TRIM67: variants seen among roughly 807,000 people sequenced by gnomAD.
The protein encoded by TRIM67 is tripartite motif-containing protein 67.
In TRIM67, 39 loss-of-function variants were observed where a neutral mutation model predicts 71.0. That is an observed-to-expected ratio of 0.55 (90% CI 0.43 to 0.72). TRIM67 has a LOEUF of 0.72. Among genes scored for constraint, TRIM67 ranks in the 30% least tolerant of loss-of-function variants. The pLI is 0.00. For synonymous variants in TRIM67, 481 were observed against 473.9 expected, an observed-to-expected ratio of 1.01 and a Z score of -0.19; for missense variants, 973 against 1,079.2, an observed-to-expected ratio of 0.90 and a Z score of 1.38.
chr1:231,193,904 CT>C (rs753992195), intron 1 of TRIM67, among the ~76,000 whole-genome samples: 26 of 152,316 alleles, frequency 1.7e-4, no homozygotes, highest in South Asian at 1.5e-3. Flanking sequence ...GGATCCACCC[CT>C]GTGACCAAAT....
chr1:231,181,068 C>T (rs531441547), intron 1 of TRIM67, among the ~76,000 whole-genome samples: 18 of 152,260 alleles, frequency 1.2e-4, no homozygotes, highest in South Asian at 4.1e-4. Flanking sequence ...CAGGTTCGTG[C>T]GATTCTCCTG....
Position 231,215,439 on chromosome 1 carries a change from A to G in TRIM67, c.2351A>G (p.Ter784TrpextTer10). ...NLGRPKLSGN[*>W] ...GGGCGGCCAAAGCTGTCAGGCAATT[A>G]GCCCCGCTCCAGCTCGGCACTGTGC... The change falls in exon 10 of 10, where the codon TAG becomes TGG. Residue 784 changes from the stop codon to tryptophan, a stop_lost. Transcript: ENST00000366653. The G allele has an allele frequency of 6.2e-7, 1 of 1,608,756 alleles. No individual in the cohort carries two copies. Among genetic ancestry groups the G allele is most frequent in the South Asian group, 1.1e-5 (1 of 90,162 alleles).
chr1:231,168,552 T>C (rs753728778), intron 1 of TRIM67, among the ~76,000 whole-genome samples: 1 of 152,250 alleles, frequency 6.6e-6, no homozygotes, highest in Non-Finnish European at 1.5e-5. Flanking sequence ...AACAAAATTA[T>C]GTAAACAATT....
At chr1:231,208,139 G>A (rs1025587639) in intron 7 of TRIM67, among the ~76,000 whole-genome samples, 1 of 151,164 alleles carries the variant, frequency 6.6e-6, no homozygotes, top group Non-Finnish European at 1.5e-5. Context: ...CTCCCAAGCA[G>A]CTGGGACTAT....
At position 231,216,287 on chromosome 1, in the gene TRIM67, C is replaced by G. The variant is rs1684011881; in HGVS notation, c.*847C>G. 1.0e-6 allele frequency: 1 copy of G among 984,898 alleles called. No homozygotes were observed. The highest frequency in any genetic ancestry group is 1.7e-5 in the African/African-American group (1 of 57,200). The allele number at this position is 984,898 out of a possible 1,614,324, so 61.0% of individuals were successfully genotyped here. ...GCTCTCTTTCCCTCCCTCCTTCTCT[C>G]TCTCTCTCACACACACACAGGCATG... On this transcript the variant is annotated 3_prime_UTR_variant, in exon 10 of 10. Transcript: ENST00000366653.
At chr1:231,187,596 G>A in intron 1 of TRIM67, 2 of 1,518,194 alleles carry the variant, frequency 1.3e-6, no homozygotes, top group African/African-American at 1.4e-5. Flanking sequence ...CCCAATGATG[G>A]TGTGAAACTC....
intron 1 of TRIM67, among the ~76,000 whole-genome samples, chr1:231,168,996 C>G (rs76749884): frequency 0.078 from 11,929 of 152,260 alleles, 634 homozygotes; most frequent in East Asian, 0.26. Context: ...CGCCGGGGCT[C>G]TCAGAGCATG....
chr1:231,169,181 G>A (rs182123378), intron 1 of TRIM67, among the ~76,000 whole-genome samples: 1 of 151,932 alleles, frequency 6.6e-6, no homozygotes, highest in Non-Finnish European at 1.5e-5. Flanking sequence ...AGCCTCCCGA[G>A]TAGCTGGGAT....
intron 6 of TRIM67, among the ~76,000 whole-genome samples, chr1:231,204,527 G>A (rs1034619311): frequency 3.9e-5 from 6 of 152,250 alleles, no homozygotes; most frequent in African/African-American, 1.4e-4. Flanking sequence ...GGGCAATAAA[G>A]GTTCTTAGTG....
At chr1:231,211,842 G>A (rs1683880625) in intron 8 of TRIM67, among the ~76,000 whole-genome samples, 1 of 152,224 alleles carries the variant, frequency 6.6e-6, no homozygotes, top group Admixed American at 6.5e-5. Flanking sequence ...AGGAGGCTGA[G>A]GCAGGAGGAT....
chr1:231,162,595 G>A lies in TRIM67; in HGVS notation c.-375G>A. ...GCGAGCGCACAGCAGCCCGGCCGCT[G>A]GTCCTGGGGTGGAGAGGAGGCGCGC... On this transcript the variant is annotated 5_prime_UTR_variant, in exon 1 of 10. Coordinates refer to ENST00000366653, the MANE Select transcript of TRIM67 (RefSeq NM_001004342.5). The A allele has an allele frequency of 4.4e-6, 1 of 227,328 alleles. No individual in the cohort carries two copies. The highest frequency in any genetic ancestry group is 8.1e-5 in the South Asian group (1 of 12,338). The allele number at this position is 227,328 out of a possible 1,614,324, so 14.1% of individuals were successfully genotyped here. A position where few individuals can be genotyped will look rare whatever the true frequency, so the allele number is the denominator to read the frequency against.
Position 231,219,368 on chromosome 1 carries a change from C to T in TRIM67, c.*3928C>T. 1 of 987,588 alleles carries T rather than the reference C, an allele frequency of 1.0e-6. No individual in the cohort carries two copies. The highest frequency in any genetic ancestry group is 1.2e-6 in the Non-Finnish European group (1 of 831,476). 61.2% of individuals were successfully genotyped at this position (987,588 alleles called of 1,614,324 possible). A position where few individuals can be genotyped will look rare whatever the true frequency, so the allele number is the denominator to read the frequency against. ...ACAAGTTGAGAACCACCAGGTTATG[C>T]CAGTGGTTTGTCATGCATGGATCTG... On this transcript the variant is annotated 3_prime_UTR_variant, in exon 10 of 10. Coordinates refer to ENST00000366653, the MANE Select transcript of TRIM67 (RefSeq NM_001004342.5).
intron 5 of TRIM67, among the ~76,000 whole-genome samples, chr1:231,202,817 AGTG>A (rs1429424353): frequency 2.6e-5 from 4 of 152,152 alleles, no homozygotes; most frequent in Non-Finnish European, 5.9e-5. Context: ...AGCCTGGCAG[AGTG>A]GATGAGCTGC....
Position 231,213,971 on chromosome 1 carries a change from C to A in TRIM67, c.2280C>A (p.Asn760Lys), listed in dbSNP as rs760413176. 1.9e-6 allele frequency: 3 copies of A among 1,609,900 alleles called. No individual in the cohort carries two copies. Among genetic ancestry groups the A allele is most frequent in the South Asian group, 2.2e-5 (2 of 90,450 alleles). ...TGCCAGCCCTCAGCCTCAACCGCAA[C>A]GTGCAGGTACACACCTCCCCAGGGC... ...VFMPALSLNR[N>K]VQVTLHTGLE... The change falls in exon 9 of 10, where the codon AAC (asparagine) becomes AAA (lysine). Residue 760 changes from asparagine to lysine, a missense_variant. By Grantham distance (94) the Asn-to-Lys change is moderately conservative. Coordinates refer to ENST00000366653, the MANE Select transcript of TRIM67 (RefSeq NM_001004342.5).
At chr1:231,188,692 T>A (rs1311578778) in intron 1 of TRIM67, among the ~76,000 whole-genome samples, 3 of 152,202 alleles carry the variant, frequency 2.0e-5, no homozygotes, top group African/African-American at 7.2e-5. Flanking sequence ...CTCGAGCCCA[T>A]GCTCCCTTCT....
At chr1:231,211,031 AATAT>A (rs1553328726) in intron 8 of TRIM67, among the ~76,000 whole-genome samples, 8 of 127,230 alleles carry the variant, frequency 6.3e-5, no homozygotes, top group East Asian at 4.5e-4. Context: ...AAAAAAAAAA[AATAT>A]ATATATATAT....
Position 231,162,866 on chromosome 1 carries a change from C to T in TRIM67, c.-104C>T, listed in dbSNP as rs999249488. ...TGGGCATGCCCGTGTGATGCCCCCGCCCGTCGTCTCACCGGGGCGCACCGC... is the reference window on the plus strand; with the variant it reads ...TGGGCATGCCCGTGTGATGCCCCCGTCCGTCGTCTCACCGGGGCGCACCGC... On this transcript the variant is annotated 5_prime_UTR_variant, in exon 1 of 10. Coordinates refer to ENST00000366653, the MANE Select transcript of TRIM67 (RefSeq NM_001004342.5). The T allele has an allele frequency of 7.5e-6, 11 of 1,463,314 alleles. No homozygotes were observed. Among genetic ancestry groups the T allele is most frequent in the Non-Finnish European group, 1.0e-5 (11 of 1,096,776 alleles). 90.6% of individuals were successfully genotyped at this position (1,463,314 alleles called of 1,614,324 possible).
intron 1 of TRIM67, among the ~76,000 whole-genome samples, chr1:231,197,015 A>G (rs1435103163): frequency 2.0e-5 from 3 of 152,196 alleles, no homozygotes; most frequent in African/African-American, 7.2e-5. Context: ...ACAGGCATGT[A>G]CTGATTATGG....
chr1:231,162,990 T>C lies in TRIM67; in HGVS notation c.21T>C (p.Cys7=). The C allele has an allele frequency of 1.9e-6, 3 of 1,612,568 alleles. No individual in the cohort carries two copies. Among genetic ancestry groups the C allele is most frequent in the Non-Finnish European group, 2.5e-6 (3 of 1,179,352 alleles). The part of the protein sequence containing the change: MEEELK[C]PVCGSLFREP... The stretch of plus-strand genomic sequence containing the variant: ...CCGCGATGGAGGAAGAGCTGAAGTG[T>C]CCCGTGTGCGGCTCTCTGTTTCGGG... The change falls in exon 1 of 10, where the codon TGT becomes TGC. Residue 7 remains cysteine, a synonymous_variant. Coordinates refer to ENST00000366653, the MANE Select transcript of TRIM67 (RefSeq NM_001004342.5).
Sources: allele counts gnomAD v4.1 joint callset (sites outside exome capture counted in the v4.1 genomes callset), GRCh38; gene constraint gnomAD v4.1.1; transcripts MANE v1.5; gene names NCBI Gene and HGNC (gene_info 2026-07-23, HGNC 2026-07-21).